ETV6: variants seen among roughly 807,000 people sequenced by gnomAD.
The protein encoded by ETV6 is ETS variant transcription factor 6.
A neutral mutation model predicts 51.1 loss-of-function variants in ETV6; 16 were observed. The ratio of observed to expected loss-of-function variants is 0.31; its 90% CI spans 0.21 to 0.48. The LOEUF (loss-of-function observed/expected upper bound fraction) is 0.48, where lower values mean the gene tolerates loss of function less well. ETV6 is among the 20% of genes least tolerant of loss of function. ETV6 has a pLI of 0.99. For synonymous variants in ETV6, 240 were observed against 224.1 expected, an observed-to-expected ratio of 1.07 and a Z score of -0.64; for missense variants, 458 against 594.8, an observed-to-expected ratio of 0.77 and a Z score of 2.39.
chr12:11,656,448 A>G (rs1864000954), intron 1 of ETV6, among the ~76,000 whole-genome samples: 1 of 152,196 alleles, frequency 6.6e-6, no homozygotes, highest in Admixed American at 6.5e-5. Context: ...GTGCTTGCAG[A>G]GGTTCTGAAT....
intron 2 of ETV6, chr12:11,752,796 A>G (rs1732610055): frequency 2.2e-6 from 1 of 444,946 alleles, no homozygotes; most frequent in Non-Finnish European, 3.9e-6. Context: ...TTCTTCCCTG[A>G]CTATGACATG....
chr12:11,830,566 A>G (rs545885916), intron 2 of ETV6, among the ~76,000 whole-genome samples: 1 of 152,368 alleles, frequency 6.6e-6, no homozygotes, highest in East Asian at 1.9e-4. Context: ...CATCAAAGCC[A>G]GAGCTGGAGT....
At chr12:11,788,656 C>G (rs776658425) in intron 2 of ETV6, among the ~76,000 whole-genome samples, 1 of 151,728 alleles carries the variant, frequency 6.6e-6, no homozygotes, top group South Asian at 2.1e-4. Context: ...CTCTTGATTT[C>G]TTTTTGATTT....
At chr12:11,660,825 GC>G (rs1274101618) in intron 1 of ETV6, among the ~76,000 whole-genome samples, 1 of 152,104 alleles carries the variant, frequency 6.6e-6, no homozygotes, top group African/African-American at 2.4e-5. Context: ...CTGTGGTTTT[GC>G]TAATTATTTT....
chr12:11,678,893 C>T (rs554604063), intron 1 of ETV6, among the ~76,000 whole-genome samples: 1 of 152,176 alleles, frequency 6.6e-6, no homozygotes, highest in Non-Finnish European at 1.5e-5. Flanking sequence ...TTCTTCCTTC[C>T]TCTGCGTCTT....
rs921637262 is a variant in ETV6 at position 11,891,127 on chromosome 12, G to A, written c.*81G>A. 10 of 1,138,754 alleles carry A rather than the reference G, an allele frequency of 8.8e-6. No homozygotes were observed. The South Asian group carries it at 1.1e-4, about 13-fold the overall frequency. The allele number at this position is 1,138,754 out of a possible 1,614,324, so 70.5% of individuals were successfully genotyped here. A position where few individuals can be genotyped will look rare whatever the true frequency, so the allele number is the denominator to read the frequency against. On this transcript the variant is annotated 3_prime_UTR_variant, in exon 8 of 8. Transcript: ENST00000396373. ...GGATTGCTGGAAGTGTGACGGAGCA[G>A]GCGGGCTGAGGAGAGTGGAAAAGGA...
At chr12:11,670,986 T>TC (rs1454827701) in intron 1 of ETV6, among the ~76,000 whole-genome samples, 2 of 152,128 alleles carry the variant, frequency 1.3e-5, no homozygotes, top group East Asian at 3.8e-4. Context: ...TGTTCTTGCT[T>TC]TTCCTTAACT....
At chr12:11,709,911 A>G (rs1865141333) in intron 1 of ETV6, among the ~76,000 whole-genome samples, 1 of 152,156 alleles carries the variant, frequency 6.6e-6, no homozygotes. Context: ...CTTAAAATAA[A>G]TATCTGTGTG....
intron 4 of ETV6, among the ~76,000 whole-genome samples, chr12:11,856,891 A>C (rs1946640737): frequency 6.6e-6 from 1 of 152,242 alleles, no homozygotes; most frequent in Non-Finnish European, 1.5e-5. Flanking sequence ...CATAACTGGG[A>C]ATACAGTTCC....
At position 11,830,060 on chromosome 12, in the gene ETV6, C is replaced by T. The variant is rs76088778; in HGVS notation, c.164-9080C>T. 7.9e-5 allele frequency among the ~76,000 whole-genome samples: 12 copies of T among 152,146 alleles called. 1 individual carries two copies. The East Asian group carries it at 1.4e-3, about 17-fold the overall frequency. On this transcript the variant is annotated intron_variant, in intron 2 of 7. Transcript: ENST00000396373. Reference sequence around the variant, plus strand: ...AAGGGAAAGGAGGCAGAAAAGTCTCCGGAAAAGTGCCTCTGGGAAGCAGCT... The same window carrying T: ...AAGGGAAAGGAGGCAGAAAAGTCTCTGGAAAAGTGCCTCTGGGAAGCAGCT...
intron 1 of ETV6, among the ~76,000 whole-genome samples, chr12:11,726,409 A>G (rs1865490718): frequency 6.6e-6 from 1 of 152,186 alleles, no homozygotes; most frequent in Non-Finnish European, 1.5e-5. Flanking sequence ...TAGCTCATAC[A>G]GTAGGTCGTA....
chr12:11,823,040 T>A (rs1591699685), intron 2 of ETV6, among the ~76,000 whole-genome samples: 2 of 152,158 alleles, frequency 1.3e-5, no homozygotes, highest in Middle Eastern at 3.2e-3. Flanking sequence ...TAGACAAGAC[T>A]CCAGTGAGAA....
intron 2 of ETV6, among the ~76,000 whole-genome samples, chr12:11,768,676 C>G (rs1256325708): frequency 6.6e-6 from 1 of 152,218 alleles, no homozygotes; most frequent in Non-Finnish European, 1.5e-5. Context: ...TGCAACTTTC[C>G]GTTGTGGAAA....
At chr12:11,751,362 A>G (rs1383200737) in intron 1 of ETV6, 3 of 518,828 alleles carry the variant, frequency 5.8e-6, no homozygotes, top group Non-Finnish European at 7.7e-6. Flanking sequence ...TCATAGTGGC[A>G]TCTTACTGGT....
intron 7 of ETV6, among the ~76,000 whole-genome samples, chr12:11,888,217 G>A (rs1225377343): frequency 2.0e-5 from 3 of 152,094 alleles, no homozygotes; most frequent in Non-Finnish European, 4.4e-5. Flanking sequence ...TGCCAGAAAT[G>A]TATATGACTA....
chr12:11,650,237 C>T, intron 1 of ETV6, 77 bp downstream of exon 1: 2 of 1,273,894 alleles, frequency 1.6e-6, no homozygotes, highest in Non-Finnish European at 2.3e-6. Context: ...CTGGGCTCCT[C>T]AGAGCAGGCT....
At chr12:11,881,441 A>G (rs1328225796) in intron 5 of ETV6, among the ~76,000 whole-genome samples, 1 of 152,254 alleles carries the variant, frequency 6.6e-6, no homozygotes, top group Non-Finnish European at 1.5e-5. Context: ...GTTGGTACGC[A>G]ATAGATACGG....
At chr12:11,867,655 C>A (rs774251127) in intron 4 of ETV6, among the ~76,000 whole-genome samples, 24 of 152,144 alleles carry the variant, frequency 1.6e-4, no homozygotes, top group Non-Finnish European at 1.2e-4. Context: ...TGTTTACTGA[C>A]CCTATCAAAT....
chr12:11,746,456 T>G (rs565630240), intron 1 of ETV6, among the ~76,000 whole-genome samples: 289 of 152,330 alleles, frequency 1.9e-3, no homozygotes, highest in Non-Finnish European at 3.2e-3. Context: ...ACATACCACA[T>G]GCTCACTTAA....
Sources: gnomAD v4.1 joint callset for allele counts (sites outside exome capture counted in the v4.1 genomes callset) on GRCh38, gnomAD v4.1.1 for gene constraint, MANE v1.5 for transcripts, NCBI Gene and HGNC (gene_info 2026-07-23, HGNC 2026-07-21) for gene names.